The following RALGPS1 variants were observed in gnomAD, a reference collection of about 807,000 sequenced individuals.
RALGPS1 encodes the protein Ral GEF with PH domain and SH3 binding motif 1, also known as ras-specific guanine nucleotide-releasing factor RalGPS1.
RALGPS1 carries 19 observed loss-of-function variants against 78.8 expected under a neutral mutation model. The observed-to-expected ratio is 0.24, with a 90% CI of 0.17 to 0.35. RALGPS1 has a LOEUF of 0.35. Among genes scored for constraint, RALGPS1 ranks in the 10% least tolerant of loss-of-function variants. The probability of loss-of-function intolerance (pLI) is 1.00; values close to 1 mark genes in which losing one functional copy is unlikely to be tolerated. For synonymous variants in RALGPS1, 228 were observed against 256.3 expected, an observed-to-expected ratio of 0.89 and a Z score of 1.06; for missense variants, 454 against 688.3, an observed-to-expected ratio of 0.66 and a Z score of 3.81.
At chr9:127,035,196 A>G (rs563870346) in intron 5 of RALGPS1, among the ~76,000 whole-genome samples, 1 of 152,316 alleles carries the variant, frequency 6.6e-6, no homozygotes, top group East Asian at 1.9e-4. Context: ...ATAGACCCTC[A>G]TTAACAATAT....
chr9:127,205,014 C>T lies in RALGPS1; in HGVS notation c.1247+5948C>T, dbSNP rs1056634750. Among the ~76,000 whole-genome samples, 5 of 152,202 alleles carry T rather than the reference C, an allele frequency of 3.3e-5. No homozygotes were observed. Among genetic ancestry groups the T allele is most frequent in the African/African-American group, 1.2e-4 (5 of 41,454 alleles). On this transcript the variant is annotated intron_variant, in intron 14 of 18. Coordinates refer to ENST00000259351, the MANE Select transcript of RALGPS1 (RefSeq NM_014636.3). The surrounding 1 kb of genome is among the most constrained non-coding windows in gnomAD (Gnocchi z 4.0). ...TTGGCTGCAGCAGACATGCCAGTGG[C>T]CATTCTCAGGGTGACTACCGCAGAG...
chr9:127,155,761 G>A (rs1326820429), intron 8 of RALGPS1, among the ~76,000 whole-genome samples: 2 of 152,156 alleles, frequency 1.3e-5, no homozygotes, highest in East Asian at 1.9e-4. Context: ...AGTGTCTGTG[G>A]CCTTTAAATC....
intron 1 of RALGPS1, among the ~76,000 whole-genome samples, chr9:126,958,140 A>AT (rs1181506015): frequency 0.026 from 2,071 of 79,784 alleles, 86 homozygotes; most frequent in African/African-American, 0.071. Context: ...AAAAAAAAAA[A>AT]AAATATATAT....
rs567580641 is a variant in RALGPS1, at chr9:127,104,721, C to T, written c.610+35365C>T. 3.9e-5 allele frequency among the ~76,000 whole-genome samples: 6 copies of T among 152,336 alleles called. No homozygotes were observed. In the East Asian group the frequency reaches 1.2e-3, roughly 29 times the overall value. On this transcript the variant is annotated intron_variant, in intron 8 of 18. Coordinates refer to ENST00000259351, the MANE Select transcript of RALGPS1 (RefSeq NM_014636.3). ...ATAAGCAGCCATGGCTCCCTTAGTC[C>T]CCTGGGGAAGGGCATGCTGTGGGCA...
chr9:127,153,356 A>G (rs1444215963), intron 8 of RALGPS1, among the ~76,000 whole-genome samples: 2 of 149,456 alleles, frequency 1.3e-5, no homozygotes, highest in Non-Finnish European at 3.0e-5. Context: ...CCCCCACGTA[A>G]ATGTATGCTA....
chr9:127,066,803 T>C (rs570222979), intron 7 of RALGPS1, among the ~76,000 whole-genome samples: 2 of 152,260 alleles, frequency 1.3e-5, no homozygotes, highest in South Asian at 4.1e-4. Context: ...TTTCCCATAA[T>C]TCATTTATAA....
At chr9:127,202,703 A>G (rs1335292867) in intron 14 of RALGPS1, among the ~76,000 whole-genome samples, 1 of 152,160 alleles carries the variant, frequency 6.6e-6, no homozygotes, top group Non-Finnish European at 1.5e-5. Context: ...GGGGCCCAGA[A>G]TGAGGACAGG....
intron 1 of RALGPS1, among the ~76,000 whole-genome samples, chr9:126,951,402 C>T (rs368777089): frequency 7.9e-5 from 12 of 151,050 alleles, no homozygotes; most frequent in East Asian, 1.9e-4. Flanking sequence ...TGATGAACAT[C>T]GATGCAAAAA....
intron 8 of RALGPS1, chr9:127,089,153 G>A (rs899951451): frequency 1.2e-6 from 2 of 1,613,780 alleles, no homozygotes; most frequent in Admixed American, 1.7e-5. Context: ...AAGAGAGAAG[G>A]CAGTGAGAGG....
intron 4 of RALGPS1, among the ~76,000 whole-genome samples, chr9:127,014,121 C>T (rs1341126299): frequency 6.6e-6 from 1 of 152,194 alleles, no homozygotes; most frequent in African/African-American, 2.4e-5. Context: ...AGCTGGGGAG[C>T]TAAGGCAAAC....
At position 127,220,766 on chromosome 9, in the gene RALGPS1, A is replaced by G. The variant is rs759544972; in HGVS notation, c.*1997A>G. 1 of 152,310 alleles carries G rather than the reference A, an allele frequency of 6.6e-6. No homozygotes were observed. The allele number at this position is 152,310 out of a possible 1,614,324, so 9.4% of individuals were successfully genotyped here. A position where few individuals can be genotyped will look rare whatever the true frequency, so the allele number is the denominator to read the frequency against. Reference sequence around the variant, plus strand: ...GCAAGATGTGGAACATCAACTACCTATTTTCCTTGGGTTTTTCCACTCTGC... The same window carrying G: ...GCAAGATGTGGAACATCAACTACCTGTTTTCCTTGGGTTTTTCCACTCTGC... On this transcript the variant is annotated 3_prime_UTR_variant, in exon 19 of 19. Coordinates refer to ENST00000259351, the MANE Select transcript of RALGPS1 (RefSeq NM_014636.3).
chr9:126,956,446 C>T (rs2038347099), intron 1 of RALGPS1, among the ~76,000 whole-genome samples: 1 of 152,142 alleles, frequency 6.6e-6, no homozygotes, highest in African/African-American at 2.4e-5. Flanking sequence ...CCCATAAATT[C>T]GGCCATTTTT....
In RALGPS1 at chr9:127,218,947, C is replaced by T; in HGVS notation, c.*178C>T. ...GAGGGCTTCACCAGTGTGGGATCCACCTGTCAGTCCCCAGCGACTCTCATG... is the reference window on the plus strand; with the variant it reads ...GAGGGCTTCACCAGTGTGGGATCCATCTGTCAGTCCCCAGCGACTCTCATG... On this transcript the variant is annotated 3_prime_UTR_variant, in exon 19 of 19. Transcript: ENST00000259351. The surrounding 1 kb of genome is among the most constrained non-coding windows in gnomAD (Gnocchi z 4.4). 1 of 691,600 alleles carries T rather than the reference C, an allele frequency of 1.4e-6. No homozygotes were observed. Among genetic ancestry groups the T allele is most frequent in the Non-Finnish European group, 2.5e-6 (1 of 392,862 alleles). 42.8% of individuals were successfully genotyped at this position (691,600 alleles called of 1,614,324 possible).
chr9:127,045,560 C>T (rs1393647757), intron 5 of RALGPS1, among the ~76,000 whole-genome samples: 1 of 152,116 alleles, frequency 6.6e-6, no homozygotes, highest in Non-Finnish European at 1.5e-5. Flanking sequence ...CCAAGTTTCT[C>T]ACTGTTGGAG....
At chr9:127,195,069 G>GCT (rs1199204517) in intron 11 of RALGPS1, 22 bp from the exon 12 acceptor site, 1 of 1,611,540 alleles carries the variant, frequency 6.2e-7, no homozygotes, top group Non-Finnish European at 8.5e-7. Flanking sequence ...CCCCGTTGTT[G>GCT]CTCTCTCTGC....
chr9:127,157,353 A>AAT (rs1465587410), intron 8 of RALGPS1, among the ~76,000 whole-genome samples: 7 of 152,056 alleles, frequency 4.6e-5, no homozygotes, highest in Non-Finnish European at 8.8e-5. Flanking sequence ...TTTTTACCTG[A>AAT]ATTACCAAAG....
In RALGPS1 at chr9:127,034,475, TGCCCCTAACGTTGTG is replaced by T; in HGVS notation, c.265_279del (p.Pro89_Ala93del). On this transcript the variant is annotated inframe_deletion, in exon 5 of 19. Transcript: ENST00000259351. ...GGAGTAAGAAGGAGAAACACAGTCTTGCCCCTAACGTTGTGGCCTTTACCCGGAGGTTTAACCAGG... is the reference window on the plus strand; with the variant it reads ...GGAGTAAGAAGGAGAAACACAGTCTTGCCTTTACCCGGAGGTTTAACCAGG... 1 of 1,614,176 alleles carries T rather than the reference TGCCCCTAACGTTGTG, an allele frequency of 6.2e-7. No individual in the cohort carries two copies.
rs893199521 is a variant in RALGPS1 at position 127,219,139 on chromosome 9, G to A, written c.*370G>A. ...GCTAACTAACCTGTGAGAGGGGCCCGAGAGAAGGAACAGCTGTGGAACAGG... is the reference window on the plus strand; with the variant it reads ...GCTAACTAACCTGTGAGAGGGGCCCAAGAGAAGGAACAGCTGTGGAACAGG... On this transcript the variant is annotated 3_prime_UTR_variant, in exon 19 of 19. Coordinates refer to ENST00000259351, the MANE Select transcript of RALGPS1 (RefSeq NM_014636.3). The surrounding 1 kb of genome is among the most constrained non-coding windows in gnomAD (Gnocchi z 5.0). The A allele has an allele frequency of 9.9e-5, 29 of 294,170 alleles. No homozygotes were observed. Among genetic ancestry groups the A allele is most frequent in the African/African-American group, 2.6e-4 (12 of 46,418 alleles). The allele number at this position is 294,170 out of a possible 1,614,324, so 18.2% of individuals were successfully genotyped here. A position where few individuals can be genotyped will look rare whatever the true frequency, so the allele number is the denominator to read the frequency against.
chr9:126,946,291 C>T (rs540305068), intron 1 of RALGPS1, among the ~76,000 whole-genome samples: 2 of 152,170 alleles, frequency 1.3e-5, no homozygotes, highest in South Asian at 4.1e-4. Flanking sequence ...ATGCCTCACT[C>T]GGGAGGCCGA....
Sources: gnomAD v4.1 joint callset for allele counts (sites outside exome capture counted in the v4.1 genomes callset) on GRCh38, gnomAD v4.1.1 for gene constraint, Gnocchi (gnomAD v3.1) non-coding constraint, MANE v1.5 for transcripts, NCBI Gene and HGNC (gene_info 2026-07-23, HGNC 2026-07-21) for gene names.